The following SPAG16 variants were observed in gnomAD, a reference collection of about 807,000 sequenced individuals.
The protein encoded by SPAG16 is sperm associated antigen 16, also known as sperm-associated antigen 16 protein.
SPAG16 carries 86 observed loss-of-function variants against 80.4 expected under a neutral mutation model. The observed-to-expected ratio is 1.07, with a 90% confidence interval of 0.90 to 1.28. The LOEUF (loss-of-function observed/expected upper bound fraction) is 1.28. Ranked by LOEUF, SPAG16 falls within the 50% of genes most tolerant of loss-of-function variation. The pLI is 0.00. For missense variants in SPAG16, 870 were observed against 765.3 expected, an observed-to-expected ratio of 1.14 and a Z score of -1.61; for synonymous variants, 294 against 265.9, an observed-to-expected ratio of 1.11 and a Z score of -1.03.
intron 5 of SPAG16, among the ~76,000 whole-genome samples, chr2:213,333,457 C>T (rs2064198419): frequency 1.3e-5 from 2 of 152,050 alleles, no homozygotes; most frequent in Admixed American, 6.5e-5. Context: ...AGTGTGACCC[C>T]TATCAAAATA....
At chr2:213,916,246 G>T (rs1559584513) in intron 11 of SPAG16, among the ~76,000 whole-genome samples, 1 of 152,146 alleles carries the variant, frequency 6.6e-6, no homozygotes, top group Non-Finnish European at 1.5e-5. Flanking sequence ...TATGGTTTTA[G>T]GTTTTACGTT....
Position 213,631,471 on chromosome 2 carries a change from T to C in SPAG16, c.1070+141381T>C, listed in dbSNP as rs147026722. ...GCTCTGTGTCCCCACCCAAATATCA[T>C]GTTGAATTGTAATTCCCAATGTTGG... On this transcript the variant is annotated intron_variant, in intron 10 of 15. Transcript: ENST00000331683. 2.7e-3 allele frequency among the ~76,000 whole-genome samples: 407 copies of C among 152,312 alleles called. 1 individual carries two copies. Among genetic ancestry groups the C allele is most frequent in the African/African-American group, 8.3e-3 (347 of 41,578 alleles).
intron 10 of SPAG16, among the ~76,000 whole-genome samples, chr2:213,596,366 T>C (rs574062568): frequency 1.3e-5 from 2 of 152,256 alleles, no homozygotes; most frequent in South Asian, 2.1e-4. Flanking sequence ...TTTCTTGAAA[T>C]AACATTTATT....
intron 10 of SPAG16, among the ~76,000 whole-genome samples, chr2:213,611,057 C>T (rs910000644): frequency 2.6e-5 from 4 of 152,152 alleles, no homozygotes; most frequent in African/African-American, 9.7e-5. Flanking sequence ...CTAGCTCCCA[C>T]TCAAGATGGA....
intron 9 of SPAG16, among the ~76,000 whole-genome samples, chr2:213,476,112 C>T (rs2073363085): frequency 6.6e-6 from 1 of 152,208 alleles, no homozygotes; most frequent in Admixed American, 6.5e-5. Flanking sequence ...ATAACTAAGC[C>T]AAGTATTCAT....
At chr2:214,039,261 T>A (rs1016021050) in intron 13 of SPAG16, among the ~76,000 whole-genome samples, 9 of 152,218 alleles carry the variant, frequency 5.9e-5, no homozygotes, top group African/African-American at 1.9e-4. Context: ...GGTATCTCAC[T>A]GTGGTTTTGA....
chr2:213,908,032 A>G (rs1330803969), intron 11 of SPAG16, among the ~76,000 whole-genome samples: 1 of 152,238 alleles, frequency 6.6e-6, no homozygotes, highest in Non-Finnish European at 1.5e-5. Flanking sequence ...ACACAAAGAA[A>G]TGATAAATGC....
intron 14 of SPAG16, among the ~76,000 whole-genome samples, chr2:214,110,485 C>G (rs1479294859): frequency 4.6e-5 from 7 of 152,192 alleles, no homozygotes; most frequent in Non-Finnish European, 1.0e-4. Context: ...TTTATGGCTG[C>G]ATAGTATTCC....
At chr2:213,432,178 A>C (rs371580973) in intron 9 of SPAG16, among the ~76,000 whole-genome samples, 1 of 152,152 alleles carries the variant, frequency 6.6e-6, no homozygotes, top group Non-Finnish European at 1.5e-5. Flanking sequence ...TCACATTTGA[A>C]GGAACTAGAA....
At chr2:213,978,168 C>G (rs2045517757) in intron 12 of SPAG16, among the ~76,000 whole-genome samples, 1 of 151,922 alleles carries the variant, frequency 6.6e-6, no homozygotes, top group African/African-American at 2.4e-5. Context: ...CACTGGAAAT[C>G]TTCAAAACCA....
intron 9 of SPAG16, among the ~76,000 whole-genome samples, chr2:213,474,000 G>C (rs1433100312): frequency 6.6e-6 from 1 of 152,138 alleles, no homozygotes; most frequent in Non-Finnish European, 1.5e-5. Context: ...TGTTGCTTCA[G>C]GCAGCACAGG....
chr2:214,321,207 A>T (rs1576774071), intron 15 of SPAG16, among the ~76,000 whole-genome samples: 1 of 152,224 alleles, frequency 6.6e-6, no homozygotes, highest in Non-Finnish European at 1.5e-5. Flanking sequence ...CAAGAGTATG[A>T]TTAAAATAAT....
intron 13 of SPAG16, among the ~76,000 whole-genome samples, chr2:214,075,723 A>G (rs1369949252): frequency 3.3e-5 from 5 of 152,228 alleles, no homozygotes; most frequent in African/African-American, 1.2e-4. Flanking sequence ...GGAAATACAC[A>G]CATGATGATA....
chr2:213,957,356 T>TTCTTGC, intron 12 of SPAG16, among the ~76,000 whole-genome samples: 1 of 152,208 alleles, frequency 6.6e-6, no homozygotes. Context: ...AAACTTTTAC[T>TTCTTGC]AATATATGGG....
rs570915107 is a variant in SPAG16 at position 213,686,829 on chromosome 2, G to A, written c.1071-175656G>A. ...CTCCCAACTAGCTGGGACAACAGGC[G>A]CGTGCCACCACACCTGGCTAAGTTT... On this transcript the variant is annotated intron_variant, in intron 10 of 15. Coordinates refer to ENST00000331683, the MANE Select transcript of SPAG16 (RefSeq NM_024532.5). Among the ~76,000 whole-genome samples the A allele has an allele frequency of 3.0e-3, 454 of 151,704 alleles. 1 individual carries two copies. Among genetic ancestry groups the A allele is most frequent in the Non-Finnish European group, 5.2e-3 (356 of 67,914 alleles).
chr2:213,714,316 G>T (rs1444040507), intron 10 of SPAG16, among the ~76,000 whole-genome samples: 1 of 152,198 alleles, frequency 6.6e-6, no homozygotes, highest in East Asian at 1.9e-4. Context: ...ATAAGGGAAA[G>T]AAAGCTTTAA....
chr2:213,947,495 G>C (rs2079528455), intron 12 of SPAG16, among the ~76,000 whole-genome samples: 1 of 152,028 alleles, frequency 6.6e-6, no homozygotes, highest in African/African-American at 2.4e-5. Context: ...CTTTTTTGGT[G>C]AAGTAACTTT....
At position 214,168,083 on chromosome 2, in the gene SPAG16, G is replaced by C. The variant is rs578184883; in HGVS notation, c.1720+18817G>C. Among the ~76,000 whole-genome samples the C allele has an allele frequency of 4.1e-5, 6 of 147,926 alleles. No individual in the cohort carries two copies. The South Asian group carries it at 1.3e-3, about 31-fold the overall frequency. ...TGAGCTCACTGCAACTCCGTCTCCCGAGGTCAAAGGATTCTCCCACCTCAG... is the reference window on the plus strand; with the variant it reads ...TGAGCTCACTGCAACTCCGTCTCCCCAGGTCAAAGGATTCTCCCACCTCAG... On this transcript the variant is annotated intron_variant, in intron 15 of 15. Coordinates refer to ENST00000331683, the MANE Select transcript of SPAG16 (RefSeq NM_024532.5).
At chr2:213,679,229 C>A (rs2125252917) in intron 10 of SPAG16, among the ~76,000 whole-genome samples, 1 of 152,276 alleles carries the variant, frequency 6.6e-6, no homozygotes, top group Non-Finnish European at 1.5e-5. Flanking sequence ...ACACTATGGT[C>A]ATGTAAAATT....
Sources: gnomAD v4.1 joint callset for allele counts (sites outside exome capture counted in the v4.1 genomes callset) on GRCh38, gnomAD v4.1.1 for gene constraint, MANE v1.5 for transcripts, NCBI Gene and HGNC (gene_info 2026-07-23, HGNC 2026-07-21) for gene names.